The following TFAP2E variants were observed in gnomAD, a reference collection of about 807,000 sequenced individuals.
TFAP2E encodes transcription factor AP-2 epsilon, also known as transcription factor AP-2-epsilon.
Under a neutral mutation model 37.9 loss-of-function variants are expected in TFAP2E, and 30 were observed. The observed-to-expected ratio is 0.79, with a 90% CI of 0.59 to 1.07. The LOEUF (loss-of-function observed/expected upper bound fraction) is 1.07. Among genes scored for constraint, TFAP2E ranks in the 50% least tolerant of loss-of-function variants. The pLI is 0.00. For synonymous variants in TFAP2E, 318 were observed against 295.8 expected (o/e 1.08, Z -0.77); for missense variants, 567 against 637.9 (o/e 0.89, Z 1.20).
At chr1:35,575,508 T>C (rs1393797331) in intron 3 of TFAP2E, among the ~76,000 whole-genome samples, 1 of 152,160 alleles carries the variant, frequency 6.6e-6, no homozygotes, top group East Asian at 1.9e-4. Flanking sequence ...TTAGGGGAGC[T>C]TGTGTGTGAG....
At position 35,573,510 on chromosome 1, in the gene TFAP2E, C is replaced by T. The variant is rs1557430814; in HGVS notation, c.-68C>T. On this transcript the variant is annotated 5_prime_UTR_variant, in exon 1 of 7. Transcript: ENST00000373235. This position sits in a 1 kb window ranked among gnomAD's most constrained non-coding sequence, Gnocchi z 5.9. ...GCTGTGCCGGCTCCCGGCGCCTCTG[C>T]CCGCAGCGCTCGCCGTCGGGCTAGG... The T allele has an allele frequency of 1.4e-6, 2 of 1,442,296 alleles. No individual in the cohort carries two copies. Among genetic ancestry groups the T allele is most frequent in the Non-Finnish European group, 9.1e-7 (1 of 1,100,872 alleles). The allele number at this position is 1,442,296 out of a possible 1,614,324, so 89.3% of individuals were successfully genotyped here. A position where few individuals can be genotyped will look rare whatever the true frequency, so the allele number is the denominator to read the frequency against.
At position 35,588,624 on chromosome 1, in the gene TFAP2E, A is replaced by G. The variant is rs1372264937; in HGVS notation, c.785+72A>G. 7.0e-7 allele frequency: 1 copy of G among 1,435,112 alleles called. No homozygotes were observed. The highest frequency in any genetic ancestry group is 1.4e-5 in the African/African-American group (1 of 70,612). 88.9% of individuals were successfully genotyped at this position (1,435,112 alleles called of 1,614,324 possible). A position where few individuals can be genotyped will look rare whatever the true frequency, so the allele number is the denominator to read the frequency against. On this transcript the variant is annotated intron_variant, in intron 4 of 6. Coordinates refer to ENST00000373235, the MANE Select transcript of TFAP2E (RefSeq NM_178548.4). The surrounding 1 kb of genome is among the most constrained non-coding windows in gnomAD (Gnocchi z 5.1). ...TCTTCAGGCCTTCTCAAGGCATCAG[A>G]GAGGAGGCCAGTCTCACCTAGGCCC...
At chr1:35,587,586 C>T (rs554624463) in intron 3 of TFAP2E, among the ~76,000 whole-genome samples, 4 of 134,170 alleles carry the variant, frequency 3.0e-5, no homozygotes, top group East Asian at 4.9e-4. Flanking sequence ...TGCGGTGAGC[C>T]GAGATGGTAC....
rs779596266 is a variant in TFAP2E, at chr1:35,573,638, G to T, written c.27+34G>T. On this transcript the variant is annotated intron_variant, in intron 1 of 6. Transcript: ENST00000373235. The surrounding 1 kb of genome is among the most constrained non-coding windows in gnomAD (Gnocchi z 5.9). ...TCTCGGGCCCGGGACATATTCGGCC[G>T]GGGGATCGGGGCGCCTGAGTGCTGG... 14 of 1,536,714 alleles carry T rather than the reference G, an allele frequency of 9.1e-6. No homozygotes were observed. In the South Asian group the frequency reaches 1.7e-4, roughly 19 times the overall value.
At chr1:35,587,560 C>T (rs1361911827) in intron 3 of TFAP2E, among the ~76,000 whole-genome samples, 5 of 144,686 alleles carry the variant, frequency 3.5e-5, no homozygotes, top group African/African-American at 1.3e-4. Flanking sequence ...ATCGCTTGAA[C>T]CCGGGAGGCA....
chr1:35,594,595 G>T lies in TFAP2E; in HGVS notation c.1248G>T (p.Leu416=), dbSNP rs527931195. ...ATTTGCTGGAGTCACTCAAGGGGCT[G>T]GACAAGATGTTTCTAAGCAGTGTGG... is the stretch of plus-strand genomic sequence containing the variant. ...QNYLLESLKG[L]DKMFLSSVGS... is the part of the protein sequence containing the mutation. Residue 416 remains leucine, a synonymous_variant, in exon 7 of 7, where the codon CTG becomes CTT. Coordinates refer to ENST00000373235, the MANE Select transcript of TFAP2E (RefSeq NM_178548.4). 1 of 1,614,184 alleles carries T rather than the reference G, an allele frequency of 6.2e-7. No homozygotes were observed. The highest frequency in any genetic ancestry group is 8.5e-7 in the Non-Finnish European group (1 of 1,180,030).
In TFAP2E at chr1:35,588,529, C is replaced by T. The variant is rs1474198264; in HGVS notation, c.762C>T (p.Ser254=). The T allele has an allele frequency of 6.3e-7, 1 of 1,594,728 alleles. No homozygotes were observed. The highest frequency in any genetic ancestry group is 1.1e-5 in the South Asian group (1 of 89,592). ...CGCCTCCCGAGTGCCTCAACGCCTC[C>T]CTCCTGGGGGGTGTCCTCCGCAGGT... ...RLSPPECLNA[S]LLGGVLRRAK... is the part of the protein sequence containing the mutation. The change falls in exon 4 of 7, where the codon TCC becomes TCT. Residue 254 remains serine (S), a synonymous_variant. Transcript: ENST00000373235. The surrounding 1 kb of genome is among the most constrained non-coding windows in gnomAD (Gnocchi z 5.1).
chr1:35,574,855 C>A (rs927536532), intron 2 of TFAP2E, 94 bp from the exon 3 acceptor site: 16 of 1,563,148 alleles, frequency 1.0e-5, no homozygotes, highest in Non-Finnish European at 1.4e-5. Flanking sequence ...GCGCCTTGGG[C>A]GGAGCAGACA....
chr1:35,590,577 G>T lies in TFAP2E; in HGVS notation c.905-57G>T. 7.1e-7 allele frequency: 1 copy of T among 1,413,728 alleles called. No individual in the cohort carries two copies. The allele number at this position is 1,413,728 out of a possible 1,614,324, so 87.6% of individuals were successfully genotyped here. ...CTGACCAGGGGGTCAGAGGTTCAAA[G>T]CTGTGTTCCAGGCGCAGAGGTACAC... On this transcript the variant is annotated intron_variant, in intron 5 of 6. Transcript: ENST00000373235. This position sits in a 1 kb window ranked among gnomAD's most constrained non-coding sequence, Gnocchi z 6.2.
intron 3 of TFAP2E, among the ~76,000 whole-genome samples, chr1:35,576,582 A>T (rs908660635): frequency 6.6e-6 from 1 of 152,120 alleles, no homozygotes; most frequent in African/African-American, 2.4e-5. Flanking sequence ...TCCCTGAGAA[A>T]GACTAAGACC....
chr1:35,590,770 T>C lies in TFAP2E; in HGVS notation c.1041T>C (p.Ala347=). The C allele has an allele frequency of 6.9e-7, 1 of 1,452,514 alleles. No homozygotes were observed. 90.0% of individuals were successfully genotyped at this position (1,452,514 alleles called of 1,614,324 possible). A position where few individuals can be genotyped will look rare whatever the true frequency, so the allele number is the denominator to read the frequency against. ...ACAGCCGCAAGAGCATGCTGCTGGC[T>C]GCCAAGTGAGTGAGGGCACCCTGCA... The part of the protein sequence containing the change: ...ELHSRKSMLL[A]AKQICKEFAD... The change falls in exon 6 of 7, where the codon GCT becomes GCC. Residue 347 remains alanine (A), a synonymous_variant. Transcript: ENST00000373235. This position sits in a 1 kb window ranked among gnomAD's most constrained non-coding sequence, Gnocchi z 6.2.
In TFAP2E at chr1:35,574,202, C is replaced by T; in HGVS notation, c.303C>T (p.Ala101=). 2 of 1,261,362 alleles carry T rather than the reference C, an allele frequency of 1.6e-6. No homozygotes were observed. The highest frequency in any genetic ancestry group is 1.0e-6 in the Non-Finnish European group (1 of 1,002,326). The allele number at this position is 1,261,362 out of a possible 1,614,324, so 78.1% of individuals were successfully genotyped here. A position where few individuals can be genotyped will look rare whatever the true frequency, so the allele number is the denominator to read the frequency against. The change falls in exon 2 of 7, where the codon GCC becomes GCT. Residue 101 remains alanine (A), a synonymous_variant. Transcript: ENST00000373235. ...AQPQPPQAAW[A]APRAAARAHE... The stretch of plus-strand genomic sequence containing the variant: ...CGCAGCCTCCTCAGGCCGCCTGGGC[C>T]GCGCCCCGCGCAGCCGCCCGCGCCC...
chr1:35,594,941 G>T lies in TFAP2E; in HGVS notation c.*265G>T. ...TTGATGGTTGAGAAGGGTTTGGACA[G>T]AAAATTGACATGAAAAGATCTGGCT... On this transcript the variant is annotated 3_prime_UTR_variant, in exon 7 of 7. Coordinates refer to ENST00000373235, the MANE Select transcript of TFAP2E (RefSeq NM_178548.4). 3.8e-6 allele frequency: 2 copies of T among 522,124 alleles called. No individual in the cohort carries two copies. Among genetic ancestry groups the T allele is most frequent in the South Asian group, 4.9e-5 (2 of 40,864 alleles). 32.3% of individuals were successfully genotyped at this position (522,124 alleles called of 1,614,324 possible). A position where few individuals can be genotyped will look rare whatever the true frequency, so the allele number is the denominator to read the frequency against.
At chr1:35,580,943 G>A (rs1223988358) in intron 3 of TFAP2E, among the ~76,000 whole-genome samples, 1 of 152,086 alleles carries the variant, frequency 6.6e-6, no homozygotes, top group Non-Finnish European at 1.5e-5. Flanking sequence ...AGTAAATGTA[G>A]AGTTGTGTAA....
At chr1:35,591,651 G>A (rs527444209) in intron 6 of TFAP2E, among the ~76,000 whole-genome samples, 3 of 152,298 alleles carry the variant, frequency 2.0e-5, no homozygotes, top group East Asian at 3.9e-4. Flanking sequence ...GCACCTCAGG[G>A]CCTGTTTAAC....
At chr1:35,593,018 C>T (rs934827412) in intron 6 of TFAP2E, among the ~76,000 whole-genome samples, 1 of 151,952 alleles carries the variant, frequency 6.6e-6, no homozygotes, top group Non-Finnish European at 1.5e-5. Context: ...CAAGAAAAGA[C>T]AGAGAGAGGA....
chr1:35,575,745 A>G (rs1649150651), intron 3 of TFAP2E, among the ~76,000 whole-genome samples: 1 of 152,186 alleles, frequency 6.6e-6, no homozygotes, highest in Non-Finnish European at 1.5e-5. Context: ...ATTTCTCAAT[A>G]TGTACAGTAT....
rs769935289 is a variant in TFAP2E at position 35,590,733 on chromosome 1, C to T, written c.1004C>T (p.Pro335Leu). ...AEYLCRQHAD[P>L]GELHSRKSML... ...TACCTGTGCCGACAGCACGCTGACC[C>T]GGGGGAGCTGCACAGCCGCAAGAGC... The change falls in exon 6 of 7, where the codon CCG becomes CTG. Residue 335 changes from proline (P) to leucine (L), a missense_variant. This residue lies in a region of TFAP2E where 252 missense variants were observed against 302.6 expected (regional missense o/e 0.83). Transcript: ENST00000373235. The surrounding 1 kb of genome is among the most constrained non-coding windows in gnomAD (Gnocchi z 6.2). 3.6e-5 allele frequency: 55 copies of T among 1,533,550 alleles called. No homozygotes were observed. In the South Asian group the frequency reaches 4.7e-4, roughly 13 times the overall value. The allele number at this position is 1,533,550 out of a possible 1,614,324, so 95.0% of individuals were successfully genotyped here.
At chr1:35,584,868 G>A (rs895797207) in intron 3 of TFAP2E, among the ~76,000 whole-genome samples, 3 of 152,116 alleles carry the variant, frequency 2.0e-5, no homozygotes, top group African/African-American at 7.2e-5. Flanking sequence ...AGTCAAGCTC[G>A]AGGTATAATT....
Sources: gnomAD v4.1 joint callset for allele counts (sites outside exome capture counted in the v4.1 genomes callset) on GRCh38, gnomAD v4.1.1 for gene constraint, gnomAD v4.1.1 regional missense constraint, Gnocchi (gnomAD v3.1) non-coding constraint, MANE v1.5 for transcripts, NCBI Gene and HGNC (gene_info 2026-07-23, HGNC 2026-07-21) for gene names.